ROBO2: variants seen among roughly 807,000 people sequenced by gnomAD.
ROBO2 encodes the protein roundabout guidance receptor 2.
In ROBO2, 53 loss-of-function variants were observed where a neutral mutation model predicts 160.8. That is an observed-to-expected ratio of 0.33 (90% CI 0.26 to 0.41). The LOEUF (loss-of-function observed/expected upper bound fraction) is 0.41. ROBO2 is among the 10% of genes least tolerant of loss of function. The pLI, the probability that ROBO2 is intolerant of heterozygous loss-of-function variation, is 1.00. For synonymous variants in ROBO2, 664 were observed against 611.7 expected (o/e 1.09, Z -1.26); for missense variants, 1,577 against 1,722.4 (o/e 0.92, Z 1.49).
chr3:76,096,961 A>T (rs1422286992), intron 2 of ROBO2, among the ~76,000 whole-genome samples: 1 of 152,186 alleles, frequency 6.6e-6, no homozygotes, highest in African/African-American at 2.4e-5. Flanking sequence ...TCTTTGCTAC[A>T]TGAGAATCTG....
chr3:77,545,286 A>G (rs538270636), intron 6 of ROBO2, among the ~76,000 whole-genome samples: 1 of 152,148 alleles, frequency 6.6e-6, no homozygotes, highest in East Asian at 1.9e-4. Context: ...CATCCTGCCA[A>G]ATTACACACT....
intron 2 of ROBO2, among the ~76,000 whole-genome samples, chr3:76,019,618 A>C (rs1036893034): frequency 2.0e-5 from 3 of 151,622 alleles, no homozygotes; most frequent in Non-Finnish European, 4.4e-5. Context: ...GTCTCCTCAC[A>C]TGGTTAGGTT....
At chr3:76,061,897 T>C (rs2068082224) in intron 2 of ROBO2, among the ~76,000 whole-genome samples, 1 of 152,230 alleles carries the variant, frequency 6.6e-6, no homozygotes. Context: ...TTCTTTGGCC[T>C]GTGGTCCCAC....
chr3:76,868,260 C>T (rs2071593925), intron 2 of ROBO2, among the ~76,000 whole-genome samples: 1 of 152,140 alleles, frequency 6.6e-6, no homozygotes, highest in Admixed American at 6.5e-5. Flanking sequence ...TCTTGAATTT[C>T]AGGTGACAAA....
intron 2 of ROBO2, among the ~76,000 whole-genome samples, chr3:76,205,693 G>A (rs1159237697): frequency 2.0e-5 from 3 of 152,228 alleles, no homozygotes; most frequent in Non-Finnish European, 4.4e-5. Flanking sequence ...TTTCAGGCCT[G>A]GAGGGTTAAG....
At chr3:76,464,836 T>C (rs1197240091) in intron 2 of ROBO2, among the ~76,000 whole-genome samples, 1 of 152,142 alleles carries the variant, frequency 6.6e-6, no homozygotes, top group African/African-American at 2.4e-5. Flanking sequence ...CTTTAGGCCT[T>C]TTGAAATATT....
At chr3:76,139,151 G>A (rs2071540510) in intron 2 of ROBO2, among the ~76,000 whole-genome samples, 1 of 152,114 alleles carries the variant, frequency 6.6e-6, no homozygotes. Context: ...ATAGGAAACA[G>A]TTCTTTTCTC....
chr3:75,974,010 A>G (rs902453368), intron 2 of ROBO2, among the ~76,000 whole-genome samples: 1 of 151,556 alleles, frequency 6.6e-6, no homozygotes, highest in Non-Finnish European at 1.5e-5. Context: ...CGAGAATAAT[A>G]TAGAAGGAAG....
At chr3:76,845,210 G>A (rs3911524) in intron 2 of ROBO2, among the ~76,000 whole-genome samples, 22,311 of 151,690 alleles carry the variant, frequency 0.15, 1,891 homozygotes, top group East Asian at 0.36. Flanking sequence ...AAATTGTCTC[G>A]TCAATTTTTG....
In ROBO2 at chr3:77,322,044, CTTG is replaced by C. The variant is rs548386381; in HGVS notation, c.389-155364_389-155362del. ...CTTAAATGGAGAGAGCTGAGGGAGA[CTTG>C]TTGTTAATAACTTTGCTAGAGCAAG... On this transcript the variant is annotated intron_variant, in intron 2 of 25. Coordinates refer to ENST00000461745, the Ensembl canonical transcript of ROBO2. Among the ~76,000 whole-genome samples the C allele has an allele frequency of 2.6e-3, 393 of 152,242 alleles. 2 individuals carry two copies. Among genetic ancestry groups the C allele is most frequent in the Middle Eastern group, 0.014 (4 of 294 alleles).
chr3:76,272,780 A>AATATATAATATATATTT (rs1707544714), intron 2 of ROBO2, among the ~76,000 whole-genome samples: 2 of 23,534 alleles, frequency 8.5e-5, no homozygotes, highest in Non-Finnish European at 2.1e-4. Flanking sequence ...TTATATATAA[A>AATATATAATATATATTT]ATATATAAAA....
At chr3:77,308,129 A>C (rs917205191) in intron 2 of ROBO2, among the ~76,000 whole-genome samples, 2 of 151,864 alleles carry the variant, frequency 1.3e-5, no homozygotes, top group African/African-American at 4.8e-5. Context: ...CTTTTATACA[A>C]AGTCTACAAA....
chr3:76,729,826 C>T (rs1010897730), intron 2 of ROBO2, among the ~76,000 whole-genome samples: 1 of 151,918 alleles, frequency 6.6e-6, no homozygotes, highest in Non-Finnish European at 1.5e-5. Flanking sequence ...TTAGTAGAGA[C>T]GAGGTTTTGC....
intron 22 of ROBO2, among the ~76,000 whole-genome samples, chr3:77,620,403 G>A (rs1214962962): frequency 6.6e-6 from 1 of 152,168 alleles, no homozygotes; most frequent in African/African-American, 2.4e-5. Flanking sequence ...TTAAATAGGA[G>A]TACATTTTTT....
chr3:76,034,795 G>C (rs2171639), intron 2 of ROBO2, among the ~76,000 whole-genome samples: 1 of 151,994 alleles, frequency 6.6e-6, no homozygotes, highest in African/African-American at 2.4e-5. Flanking sequence ...GCCTTGCCTG[G>C]TTCCAGCTAT....
intron 2 of ROBO2, among the ~76,000 whole-genome samples, chr3:76,523,112 A>G (rs1162944912): frequency 6.6e-6 from 1 of 151,134 alleles, no homozygotes; most frequent in Non-Finnish European, 1.5e-5. Context: ...TCCTCTAAAG[A>G]GGGCCAGCTC....
At chr3:76,738,362 A>G (rs1010798831) in intron 2 of ROBO2, among the ~76,000 whole-genome samples, 3 of 152,160 alleles carry the variant, frequency 2.0e-5, no homozygotes, top group Non-Finnish European at 4.4e-5. Context: ...GGGCTTCTCA[A>G]CGTCAGCACT....
At chr3:76,135,873 G>A (rs564544503) in intron 2 of ROBO2, among the ~76,000 whole-genome samples, 2 of 152,078 alleles carry the variant, frequency 1.3e-5, no homozygotes, top group East Asian at 3.9e-4. Context: ...AATTTTGCGT[G>A]TGCTGAAGAG....
chr3:76,995,482 G>T (rs1327539804), intron 2 of ROBO2, among the ~76,000 whole-genome samples: 1 of 152,068 alleles, frequency 6.6e-6, no homozygotes, highest in Non-Finnish European at 1.5e-5. Context: ...GGGATGGCTG[G>T]GTCAAATGGT....
Sources: gnomAD v4.1 joint callset for allele counts (sites outside exome capture counted in the v4.1 genomes callset) on GRCh38, gnomAD v4.1.1 for gene constraint, MANE v1.5 for transcripts, NCBI Gene and HGNC (gene_info 2026-07-23, HGNC 2026-07-21) for gene names.